GSTCD: variants seen among roughly 807,000 people sequenced by gnomAD.
The protein encoded by GSTCD is glutathione S-transferase C-terminal domain containing, also known as glutathione S-transferase C-terminal domain-containing protein.
Under a neutral mutation model 68.3 loss-of-function variants are expected in GSTCD, and 44 were observed. The observed-to-expected ratio is 0.64, with a 90% CI of 0.51 to 0.83. The LOEUF (loss-of-function observed/expected upper bound fraction) is 0.83. Ranked by LOEUF, GSTCD falls within the 40% of genes least tolerant of loss-of-function variation. GSTCD has a pLI of 0.00. For synonymous variants in GSTCD, 273 were observed against 255.2 expected (o/e 1.07, Z -0.67); for missense variants, 739 against 735.9 (o/e 1.00, Z -0.05).
chr4:105,751,829 A>G (rs1734019103), intron 5 of GSTCD, among the ~76,000 whole-genome samples: 2 of 152,180 alleles, frequency 1.3e-5, no homozygotes, highest in Admixed American at 6.5e-5. Flanking sequence ...ACTGAAACTA[A>G]GTATCTTATT....
intron 5 of GSTCD, among the ~76,000 whole-genome samples, chr4:105,821,956 G>T (rs1265761714): frequency 6.6e-6 from 1 of 151,580 alleles, no homozygotes; most frequent in African/African-American, 2.4e-5. Flanking sequence ...AAGGAAAACA[G>T]AAAAGAGAAG....
chr4:105,806,033 C>T (rs1250487950), intron 5 of GSTCD, among the ~76,000 whole-genome samples: 1 of 151,996 alleles, frequency 6.6e-6, no homozygotes, highest in African/African-American at 2.4e-5. Flanking sequence ...GTCCCTTTTT[C>T]ATTCATCTCC....
intron 5 of GSTCD, among the ~76,000 whole-genome samples, chr4:105,802,690 C>T (rs1472090101): frequency 6.6e-6 from 1 of 152,062 alleles, no homozygotes; most frequent in Non-Finnish European, 1.5e-5. Context: ...CCTTTAACTT[C>T]TTTTTTCTCT....
chr4:105,729,155 C>G (rs1733143319), intron 4 of GSTCD, among the ~76,000 whole-genome samples: 1 of 151,752 alleles, frequency 6.6e-6, no homozygotes, highest in African/African-American at 2.4e-5. Context: ...TATGGATTTT[C>G]TAGTAATAAT....
At chr4:105,740,156 C>T (rs1733586445) in intron 5 of GSTCD, among the ~76,000 whole-genome samples, 1 of 151,976 alleles carries the variant, frequency 6.6e-6, no homozygotes, top group Non-Finnish European at 1.5e-5. Flanking sequence ...GCCACGTAGG[C>T]CCCAGGGTGC....
intron 5 of GSTCD, among the ~76,000 whole-genome samples, chr4:105,777,592 T>C (rs1333234635): frequency 6.6e-6 from 1 of 152,216 alleles, no homozygotes; most frequent in Non-Finnish European, 1.5e-5. Flanking sequence ...TTCTCCTCCA[T>C]GAGACTGCTA....
chr4:105,821,938 T>A (rs1435277352), intron 5 of GSTCD, among the ~76,000 whole-genome samples: 1 of 151,672 alleles, frequency 6.6e-6, no homozygotes, highest in Non-Finnish European at 1.5e-5. Flanking sequence ...CTTAGTAACA[T>A]AAGAGAGAAG....
At chr4:105,720,911 TTTG>T (rs1352856248) in intron 3 of GSTCD, among the ~76,000 whole-genome samples, 2 of 152,216 alleles carry the variant, frequency 1.3e-5, no homozygotes, top group African/African-American at 4.8e-5. Flanking sequence ...ATTAAAATTA[TTTG>T]AATACATAAA....
chr4:105,710,989 C>T (rs1732517975), intron 1 of GSTCD: 1 of 152,096 alleles, frequency 6.6e-6, no homozygotes, highest in Non-Finnish European at 1.5e-5. Context: ...ATTTAATGAG[C>T]TTGAAAAAAT....
rs1724579485 is a variant in GSTCD, at chr4:105,847,141, C to T, written c.*1564C>T. ...AAAAGACAAATGATGCATCCTTTCT[C>T]AATGCTGCTAATTCTTTAAATTTTA... On this transcript the variant is annotated 3_prime_UTR_variant, in exon 12 of 12. Transcript: ENST00000515279. 1 of 152,174 alleles carries T rather than the reference C, an allele frequency of 6.6e-6. No individual in the cohort carries two copies. The highest frequency in any genetic ancestry group is 2.4e-5 in the African/African-American group (1 of 41,428). 9.4% of individuals were successfully genotyped at this position (152,174 alleles called of 1,614,324 possible). A position where few individuals can be genotyped will look rare whatever the true frequency, so the allele number is the denominator to read the frequency against.
intron 5 of GSTCD, among the ~76,000 whole-genome samples, chr4:105,814,332 G>A (rs1722880924): frequency 6.6e-6 from 1 of 152,174 alleles, no homozygotes; most frequent in East Asian, 1.9e-4. Flanking sequence ...ACTACTGCTG[G>A]CCAGGCGTGG....
At chr4:105,818,820 T>C (rs1723135482) in intron 5 of GSTCD, among the ~76,000 whole-genome samples, 1 of 151,732 alleles carries the variant, frequency 6.6e-6, no homozygotes, top group Admixed American at 6.6e-5. Context: ...AACACCAGGG[T>C]TCAAAATGGT....
chr4:105,722,577 T>A (rs1385581825), intron 3 of GSTCD, among the ~76,000 whole-genome samples: 2 of 152,038 alleles, frequency 1.3e-5, no homozygotes, highest in African/African-American at 2.4e-5. Flanking sequence ...TAAGAACAAA[T>A]ATTTTATATA....
chr4:105,812,640 A>G (rs1026586400), intron 5 of GSTCD, among the ~76,000 whole-genome samples: 1 of 152,196 alleles, frequency 6.6e-6, no homozygotes, highest in Non-Finnish European at 1.5e-5. Flanking sequence ...ATAACCATTA[A>G]GGTAAGTCTT....
chr4:105,802,359 G>T (rs935239549), intron 5 of GSTCD, among the ~76,000 whole-genome samples: 1 of 152,038 alleles, frequency 6.6e-6, no homozygotes, highest in African/African-American at 2.4e-5. Context: ...CTATACTTGT[G>T]CATAACCTGT....
intron 3 of GSTCD, among the ~76,000 whole-genome samples, chr4:105,720,182 ACACACT>A (rs1560793318): frequency 5.3e-5 from 8 of 152,298 alleles, no homozygotes; most frequent in African/African-American, 1.9e-4. Flanking sequence ...TCTTACATAC[ACACACT>A]CACACACGCA....
chr4:105,834,213 G>A (rs1370071000), intron 8 of GSTCD, among the ~76,000 whole-genome samples: 1 of 152,142 alleles, frequency 6.6e-6, no homozygotes, highest in Non-Finnish European at 1.5e-5. Flanking sequence ...CGATGCTATA[G>A]TTTAGATAAA....
intron 3 of GSTCD, among the ~76,000 whole-genome samples, chr4:105,725,927 AT>A (rs1299545215): frequency 6.6e-6 from 1 of 152,150 alleles, no homozygotes; most frequent in Non-Finnish European, 1.5e-5. Flanking sequence ...ACCTCCATGG[AT>A]TGCTAGTGGG....
intron 5 of GSTCD, among the ~76,000 whole-genome samples, chr4:105,819,610 T>C (rs17036288): frequency 0.019 from 2,931 of 151,882 alleles, 107 homozygotes; most frequent in East Asian, 0.18. Flanking sequence ...TAAAGCATGA[T>C]AAATGACCAT....
Sources: allele counts gnomAD v4.1 joint callset (sites outside exome capture counted in the v4.1 genomes callset), GRCh38; gene constraint gnomAD v4.1.1; transcripts MANE v1.5; gene names NCBI Gene and HGNC (gene_info 2026-07-23, HGNC 2026-07-21).